Variants in IL6ST observed in about 807,000 individuals in gnomAD.
IL6ST encodes interleukin-6 receptor subunit beta.
In IL6ST, 24 loss-of-function variants were observed where a neutral mutation model predicts 91.3. That is an observed-to-expected ratio of 0.26 (90% confidence interval 0.19 to 0.37). The LOEUF (loss-of-function observed/expected upper bound fraction) is 0.37, where lower values mean the gene tolerates loss of function less well. IL6ST is among the 10% of genes least tolerant of loss of function. The probability of loss-of-function intolerance (pLI) is 1.00; values close to 1 mark genes in which losing one functional copy is unlikely to be tolerated. For synonymous variants in IL6ST, 351 were observed against 373.6 expected (o/e 0.94, Z 0.70); for missense variants, 914 against 1,078.5 (o/e 0.85, Z 2.14).
chr5:55,960,667 GC>G, intron 7 of IL6ST, 106 bp from the exon 8 acceptor site: 1 of 1,069,084 alleles, frequency 9.4e-7, no homozygotes, highest in Non-Finnish European at 1.3e-6. Context: ...TTGCTCTGTT[GC>G]CCAGGTTGGA....
chr5:55,950,632 T>C (rs1392328008), intron 14 of IL6ST, among the ~76,000 whole-genome samples: 1 of 145,708 alleles, frequency 6.9e-6, no homozygotes, highest in Non-Finnish European at 1.5e-5. Context: ...GCAGAAAAAG[T>C]ATGGTTAGAA....
At chr5:55,958,880 C>A (rs1302849255) in intron 8 of IL6ST, among the ~76,000 whole-genome samples, 4 of 150,184 alleles carry the variant, frequency 2.7e-5, no homozygotes, top group African/African-American at 7.3e-5. Context: ...ATATGTTAAT[C>A]ATGAAGAGGC....
chr5:55,979,967 T>C (rs1380505387), intron 2 of IL6ST, among the ~76,000 whole-genome samples: 1 of 152,196 alleles, frequency 6.6e-6, no homozygotes, highest in Admixed American at 6.6e-5. Context: ...AAGCTCTATA[T>C]GTACAGAAAC....
chr5:55,994,591 A>G (rs1754538788), intron 1 of IL6ST, among the ~76,000 whole-genome samples, 193 bp downstream of exon 1: 1 of 151,860 alleles, frequency 6.6e-6, no homozygotes, highest in African/African-American at 2.4e-5. Flanking sequence ...TCGAGGTGAC[A>G]AAGTTGTGGA....
rs1202696514 is a variant in IL6ST, at chr5:55,938,719, A to G, written c.*2363T>C. On this transcript the variant is annotated 3_prime_UTR_variant, in exon 17 of 17. Transcript: ENST00000381298. The stretch of plus-strand genomic sequence containing the variant: ...CATGCATCAACACATAGATTATTCT[A>G]AGACATGCTTGGGAAAGTAATTTTG... 4.0e-5 allele frequency: 8 copies of G among 200,742 alleles called. No homozygotes were observed. Among genetic ancestry groups the G allele is most frequent in the Non-Finnish European group, 8.2e-5 (8 of 97,366 alleles). The allele number at this position is 200,742 out of a possible 1,614,324, so 12.4% of individuals were successfully genotyped here. A position where few individuals can be genotyped will look rare whatever the true frequency, so the allele number is the denominator to read the frequency against.
rs756671047 is a variant in IL6ST, at chr5:55,956,180, G to C, written c.1112C>G (p.Thr371Arg). ...GKILDYEVTL[T>R]RWKSHLQNYT... is the part of the protein sequence containing the mutation. ...ATTTTGTAAATGTGATTTCCATCTT[G>C]TGAGAGTCACTTCATAATCCAAGAT... Residue 371 changes from threonine to arginine, a missense_variant, in exon 10 of 17, where the codon ACA becomes AGA. Thr to Arg is a moderately conservative substitution (Grantham distance 71). Coordinates refer to ENST00000381298, the MANE Select transcript of IL6ST (RefSeq NM_002184.4). 1.2e-6 allele frequency: 2 copies of C among 1,612,324 alleles called. No individual in the cohort carries two copies. Among genetic ancestry groups the C allele is most frequent in the Non-Finnish European group, 1.7e-6 (2 of 1,178,392 alleles).
intron 3 of IL6ST, among the ~76,000 whole-genome samples, chr5:55,970,946 T>C (rs1561188971): frequency 6.6e-6 from 1 of 151,888 alleles, no homozygotes; most frequent in East Asian, 1.9e-4. Context: ...ACACAAAGAA[T>C]CAGATTGGGT....
rs150318584 is a variant in IL6ST, at chr5:55,972,991, C to T, written c.65-3136G>A. On this transcript the variant is annotated intron_variant, in intron 3 of 16. Coordinates refer to ENST00000381298, the MANE Select transcript of IL6ST (RefSeq NM_002184.4). ...CTGCACTCCAGCCTAGGCAACGAAA[C>T]GAGATTCCATCTCAAAAAAAAAGAA... is the stretch of plus-strand genomic sequence containing the variant. Among the ~76,000 whole-genome samples the T allele has an allele frequency of 3.2e-3, 470 of 146,954 alleles. 2 individuals are homozygous for T. Among genetic ancestry groups the T allele is most frequent in the African/African-American group, 0.011 (445 of 39,450 alleles).
rs1752246180 is a variant in IL6ST at position 55,960,487 on chromosome 5, C to T, written c.888G>A (p.Val296=). The change falls in exon 8 of 17, where the codon GTG becomes GTA. Residue 296 remains valine (V), a synonymous_variant. Coordinates refer to ENST00000381298, the MANE Select transcript of IL6ST (RefSeq NM_002184.4). The part of the protein sequence containing the change: ...VQDLKPFTEY[V]FRIRCMKEDG... The stretch of plus-strand genomic sequence containing the variant: ...CTTCCTTCATACAGCGAATCCTAAA[C>T]ACATATTCTGTAAAAGGTTTAAGGT... 1 of 1,614,022 alleles carries T rather than the reference C, an allele frequency of 6.2e-7. No homozygotes were observed. The highest frequency in any genetic ancestry group is 8.5e-7 in the Non-Finnish European group (1 of 1,179,910).
chr5:55,954,964 T>C lies in IL6ST; in HGVS notation c.1296A>G (p.Ala432=), dbSNP rs200970991. The change falls in exon 11 of 17, where the codon GCA becomes GCG. Residue 432 remains alanine (A), a synonymous_variant. Transcript: ENST00000381298. ...QATHPVMDLK[A]FPKDNMLWVE... The stretch of plus-strand genomic sequence containing the variant: ...CCCAAAGCATGTTATCTTTGGGGAA[T>C]GCTTTAAGATCCATTACAGGGTGAG... The C allele has an allele frequency of 1.1e-4, 178 of 1,610,790 alleles. 2 individuals carry two copies. Among genetic ancestry groups the C allele is most frequent in the Non-Finnish European group, 5.1e-6 (6 of 1,178,200 alleles).
Position 55,951,960 on chromosome 5 carries a change from T to C in IL6ST, c.1668A>G (p.Ile556Met). 1 of 1,493,452 alleles carries C rather than the reference T, an allele frequency of 6.7e-7. No individual in the cohort carries two copies. The highest frequency in any genetic ancestry group is 9.3e-7 in the Non-Finnish European group (1 of 1,072,518). The allele number at this position is 1,493,452 out of a possible 1,614,324, so 92.5% of individuals were successfully genotyped here. Residue 556 changes from isoleucine (I) to methionine (M), a missense_variant, in exon 13 of 17, where the codon ATA becomes ATG. Physicochemically the swap from Ile to Met is conservative, Grantham distance 10. Transcript: ENST00000381298. Reference sequence around the variant, plus strand: ...CATTTCCAATGATGGTTCTATAAAATATAGTATAATTTCTGATAAATCCAT... The same window carrying C: ...CATTTCCAATGATGGTTCTATAAAACATAGTATAATTTCTGATAAATCCAT... ...VQNGFIRNYT[I>M]FYRTIIGNET...
At chr5:55,977,249 A>G (rs907046826) in intron 2 of IL6ST, among the ~76,000 whole-genome samples, 1 of 151,302 alleles carries the variant, frequency 6.6e-6, no homozygotes, top group Non-Finnish European at 1.5e-5. Context: ...GTATAACTCT[A>G]TTTACAGGAA....
At chr5:55,949,959 A>C (rs752874360) in intron 14 of IL6ST, among the ~76,000 whole-genome samples, 25 of 152,242 alleles carry the variant, frequency 1.6e-4, no homozygotes, top group Non-Finnish European at 3.1e-4. Flanking sequence ...GGGAAGATAC[A>C]GAAGAGCCAG....
chr5:55,937,312 A>C lies in IL6ST; in HGVS notation c.*3770T>G, dbSNP rs531450633. 1 of 214,164 alleles carries C rather than the reference A, an allele frequency of 4.7e-6. No individual in the cohort carries two copies. The highest frequency in any genetic ancestry group is 2.3e-5 in the African/African-American group (1 of 44,366). 13.3% of individuals were successfully genotyped at this position (214,164 alleles called of 1,614,324 possible). On this transcript the variant is annotated 3_prime_UTR_variant, in exon 17 of 17. Transcript: ENST00000381298. The stretch of plus-strand genomic sequence containing the variant: ...GCCCTTAAAAATTTAGGAACAAATG[A>C]GCAACAGAAGAGCTCACCCTGAGCT...
chr5:55,952,379 G>A (rs1021911728), intron 11 of IL6ST, 28 bp from the exon 12 acceptor site: 2 of 1,291,022 alleles, frequency 1.5e-6, no homozygotes, highest in Non-Finnish European at 2.2e-6. Context: ...GATTAAGCAT[G>A]TTTTTCCATA....
chr5:55,981,645 A>G (rs1409031658), intron 2 of IL6ST, among the ~76,000 whole-genome samples: 1 of 152,180 alleles, frequency 6.6e-6, no homozygotes. Flanking sequence ...TCCATCTCAA[A>G]AAAATAAAAA....
Position 55,951,956 on chromosome 5 carries a change from A to G in IL6ST, c.1672T>C (p.Tyr558His). 1 of 1,488,236 alleles carries G rather than the reference A, an allele frequency of 6.7e-7. No homozygotes were observed. The highest frequency in any genetic ancestry group is 1.7e-4 in the Middle Eastern group (1 of 5,794). The allele number at this position is 1,488,236 out of a possible 1,614,324, so 92.2% of individuals were successfully genotyped here. A position where few individuals can be genotyped will look rare whatever the true frequency, so the allele number is the denominator to read the frequency against. The change falls in exon 13 of 17, where the codon TAT becomes CAT. Residue 558 changes from tyrosine to histidine, a missense_variant. Coordinates refer to ENST00000381298, the MANE Select transcript of IL6ST (RefSeq NM_002184.4). The stretch of plus-strand genomic sequence containing the variant: ...GTTTCATTTCCAATGATGGTTCTAT[A>G]AAATATAGTATAATTTCTGATAAAT... Reference protein sequence around the residue: ...NGFIRNYTIFYRTIIGNETAV... With the variant: ...NGFIRNYTIFHRTIIGNETAV...
At chr5:55,967,164 G>A (rs769260395) in intron 5 of IL6ST, among the ~76,000 whole-genome samples, 1 of 151,550 alleles carries the variant, frequency 6.6e-6, no homozygotes, top group Non-Finnish European at 1.5e-5. Context: ...AAAAAAATTA[G>A]CTGGGCATGG....
chr5:55,991,591 A>C lies in IL6ST; in HGVS notation c.-104+3193T>G, dbSNP rs192591380. ...ACATTGTTGGTGGATCACTCTCTCT[A>C]CAACACAACTTTAAACCTGTCATTC... On this transcript the variant is annotated intron_variant, in intron 1 of 16. Coordinates refer to ENST00000381298, the MANE Select transcript of IL6ST (RefSeq NM_002184.4). Among the ~76,000 whole-genome samples, 377 of 152,100 alleles carry C rather than the reference A, an allele frequency of 2.5e-3. 3 individuals are homozygous for C. The highest frequency in any genetic ancestry group is 8.6e-3 in the African/African-American group (356 of 41,420).
Sources: gnomAD v4.1 joint callset for allele counts (sites outside exome capture counted in the v4.1 genomes callset) on GRCh38, gnomAD v4.1.1 for gene constraint, MANE v1.5 for transcripts, NCBI Gene and HGNC (gene_info 2026-07-23, HGNC 2026-07-21) for gene names.